POLE: variants seen among roughly 807,000 people sequenced by gnomAD.
POLE encodes the protein DNA polymerase epsilon, catalytic subunit, also known as DNA polymerase epsilon catalytic subunit A.
POLE carries 188 observed loss-of-function variants against 279.2 expected under a neutral mutation model. The ratio of observed to expected loss-of-function variants is 0.67; its 90% CI spans 0.60 to 0.76. The LOEUF is 0.76. POLE is among the 30% of genes least tolerant of loss of function. POLE has a pLI of 0.00. For missense variants in POLE, 2,703 were observed against 3,016.7 expected (o/e 0.90, Z 2.44); for synonymous variants, 1,214 against 1,172.5 (o/e 1.04, Z -0.72).
rs76220954 is a variant in POLE at position 132,625,117 on chromosome 12, G to A, written c.6658-123C>T. 7.9e-4 allele frequency: 587 copies of A among 739,568 alleles called. 1 individual carries two copies. In the African/African-American group the frequency reaches 8.4e-3, roughly 11 times the overall value. The allele number at this position is 739,568 out of a possible 1,614,324, so 45.8% of individuals were successfully genotyped here. The stretch of plus-strand genomic sequence containing the variant: ...TCAGTAAGCCTCGAGCCCCTGCTGT[G>A]TGCAGCCAGCCCTCGGTTATGAGTA... On this transcript the variant is annotated intron_variant, in intron 47 of 48. Transcript: ENST00000320574.
intron 12 of POLE, among the ~76,000 whole-genome samples, chr12:132,674,484 G>A (rs1280202866): frequency 1.3e-5 from 2 of 151,948 alleles, no homozygotes; most frequent in South Asian, 4.2e-4. Flanking sequence ...CTAGCATATC[G>A]GTAGCAGGGT....
chr12:132,625,082 C>G, intron 47 of POLE, 88 bp from the exon 48 acceptor site: 1 of 959,200 alleles, frequency 1.0e-6, no homozygotes, highest in South Asian at 1.4e-5. Flanking sequence ...GAGACACATT[C>G]GTGGGCCCAT....
At position 132,664,248 on chromosome 12, in the gene POLE, C is replaced by A; in HGVS notation, c.2562-100G>T. 1 of 1,247,836 alleles carries A rather than the reference C, an allele frequency of 8.0e-7. No homozygotes were observed. Among genetic ancestry groups the A allele is most frequent in the Non-Finnish European group, 1.2e-6 (1 of 865,776 alleles). 77.3% of individuals were successfully genotyped at this position (1,247,836 alleles called of 1,614,324 possible). A position where few individuals can be genotyped will look rare whatever the true frequency, so the allele number is the denominator to read the frequency against. On this transcript the variant is annotated intron_variant, in intron 22 of 48. Coordinates refer to ENST00000320574, the MANE Select transcript of POLE (RefSeq NM_006231.4). This position sits in a 1 kb window ranked among gnomAD's most constrained non-coding sequence, Gnocchi z 5.3. The stretch of plus-strand genomic sequence containing the variant: ...TCCTTCCTTCCTGCCCAGTGTGTGG[C>A]CTCCAGCCTTCCCTCCTTCCTTCCT...
At chr12:132,638,705 G>A (rs993979420) in intron 40 of POLE, 1 of 185,312 alleles carries the variant, frequency 5.4e-6, no homozygotes, top group Non-Finnish European at 1.1e-5. Flanking sequence ...ATTACCCCAC[G>A]GATCTATCTG....
chr12:132,632,608 G>C, intron 44 of POLE, 56 bp downstream of exon 44: 1 of 1,612,484 alleles, frequency 6.2e-7, no homozygotes. Flanking sequence ...ATGGCACACA[G>C]AGGAGTTAGG....
intron 39 of POLE, 146 bp downstream of exon 39, chr12:132,641,501 G>C: frequency 2.9e-6 from 2 of 692,520 alleles, no homozygotes; most frequent in South Asian, 1.8e-5. Flanking sequence ...ATAGACTATG[G>C]AAAACTCGCC....
chr12:132,662,711 T>C (rs2042706023), intron 23 of POLE, among the ~76,000 whole-genome samples: 1 of 152,044 alleles, frequency 6.6e-6, no homozygotes, highest in African/African-American at 2.4e-5. Flanking sequence ...GACCTTACAG[T>C]ACCAAGAAGT....
intron 43 of POLE, 94 bp from the exon 44 acceptor site, chr12:132,632,889 A>T: frequency 3.0e-6 from 4 of 1,334,730 alleles, no homozygotes; most frequent in Non-Finnish European, 3.1e-6. Flanking sequence ...ATTGCCTCAC[A>T]GATGAGGCTA....
Position 132,643,262 on chromosome 12 carries a change from G to C in POLE, c.4513C>G (p.Pro1505Ala), listed in dbSNP as rs878854873. 36 of 1,613,744 alleles carry C rather than the reference G, an allele frequency of 2.2e-5. No homozygotes were observed. The highest frequency in any genetic ancestry group is 2.9e-5 in the Non-Finnish European group (34 of 1,180,046). ...AHKALFGIFIPSQRRASVFVL... is the reference protein window; with the variant it reads ...AHKALFGIFIASQRRASVFVL... ...AAGACGGATGCCCTGCGCTGTGAGG[G>C]GATGAAGATCCCGAAGAGCGCTTTG... The change falls in exon 35 of 49, where the codon CCC becomes GCC. Residue 1505 changes from proline to alanine, a missense_variant. By Grantham distance (27) the Pro-to-Ala change is conservative. This residue lies in a region of POLE where 1,551 missense variants were observed against 1,686.1 expected (regional missense o/e 0.92). Coordinates refer to ENST00000320574, the MANE Select transcript of POLE (RefSeq NM_006231.4).
In POLE at chr12:132,670,495, C is replaced by T. The variant is rs189835520; in HGVS notation, c.1795-1556G>A. Among the ~76,000 whole-genome samples, 5 of 150,552 alleles carry T rather than the reference C, an allele frequency of 3.3e-5. No individual in the cohort carries two copies. The East Asian group carries it at 1.0e-3, about 30-fold the overall frequency. On this transcript the variant is annotated intron_variant, in intron 16 of 48. Transcript: ENST00000320574. The stretch of plus-strand genomic sequence containing the variant: ...AACTCCTGACCTCAGGTGATCCACC[C>T]GCCTCAGCCTCCCAAAATGCTGGGA...
In POLE at chr12:132,639,034, G is replaced by A; in HGVS notation, c.5552+91C>T. Reference sequence around the variant, plus strand: ...TCAGAAATACACTACTTATCCCAGAGGCACTGGCTGGCCATGTCTCTGGTT... The same window carrying A: ...TCAGAAATACACTACTTATCCCAGAAGCACTGGCTGGCCATGTCTCTGGTT... On this transcript the variant is annotated intron_variant, in intron 40 of 48. Transcript: ENST00000320574. This position sits in a 1 kb window ranked among gnomAD's most constrained non-coding sequence, Gnocchi z 4.7. 1 of 1,056,802 alleles carries A rather than the reference G, an allele frequency of 9.5e-7. No individual in the cohort carries two copies. Among genetic ancestry groups the A allele is most frequent in the Non-Finnish European group, 1.5e-6 (1 of 689,524 alleles). The allele number at this position is 1,056,802 out of a possible 1,614,324, so 65.5% of individuals were successfully genotyped here. A position where few individuals can be genotyped will look rare whatever the true frequency, so the allele number is the denominator to read the frequency against.
chr12:132,683,565 T>C (rs1165988089), intron 1 of POLE, among the ~76,000 whole-genome samples: 2 of 152,228 alleles, frequency 1.3e-5, no homozygotes, highest in Admixed American at 1.3e-4. Context: ...TTTAATCTTT[T>C]AAATAGTTGA....
At chr12:132,636,077 A>G (rs927944029) in intron 41 of POLE, 53 bp from the exon 42 acceptor site, 5 of 1,573,838 alleles carry the variant, frequency 3.2e-6, no homozygotes, top group Non-Finnish European at 4.3e-6. Flanking sequence ...CTTGTTCTCA[A>G]CTTTCCTTTA....
At chr12:132,626,016 G>T in intron 46 of POLE, 101 bp downstream of exon 46, 1 of 1,231,882 alleles carries the variant, frequency 8.1e-7, no homozygotes, top group Non-Finnish European at 1.2e-6. Context: ...AGGGGCAGCA[G>T]GTGTGACCCA....
intron 25 of POLE, chr12:132,659,732 A>G (rs527751029): frequency 1.9e-6 from 1 of 523,976 alleles, no homozygotes; most frequent in Non-Finnish European, 3.4e-6. Flanking sequence ...TCATTCTGTC[A>G]CCCAGGCTGG....
At chr12:132,672,572 G>T in intron 15 of POLE, 55 bp downstream of exon 15, 1 of 1,551,514 alleles carries the variant, frequency 6.4e-7, no homozygotes, top group Non-Finnish European at 8.9e-7. Context: ...GCAGCTTCTG[G>T]GTCCTACCAC....
chr12:132,674,297 C>A (rs1025407846), intron 12 of POLE, among the ~76,000 whole-genome samples: 4 of 152,102 alleles, frequency 2.6e-5, no homozygotes, highest in Admixed American at 6.5e-5. Context: ...GTCTCCACCC[C>A]CCGCAGCCTC....
intron 29 of POLE, 149 bp downstream of exon 29, chr12:132,656,987 T>G: frequency 1.3e-6 from 1 of 774,150 alleles, no homozygotes; most frequent in Non-Finnish European, 2.1e-6. Context: ...AGTTAGAGAG[T>G]AAAGTGCCAA....
chr12:132,647,764 C>T (rs905429146), intron 32 of POLE, among the ~76,000 whole-genome samples: 2 of 152,108 alleles, frequency 1.3e-5, no homozygotes, highest in African/African-American at 4.8e-5. Context: ...CACCACGCAT[C>T]GAAAGGAAGG....
Sources: gnomAD v4.1 joint callset for allele counts (sites outside exome capture counted in the v4.1 genomes callset) on GRCh38, gnomAD v4.1.1 for gene constraint, gnomAD v4.1.1 regional missense constraint, Gnocchi (gnomAD v3.1) non-coding constraint, MANE v1.5 for transcripts, NCBI Gene and HGNC (gene_info 2026-07-23, HGNC 2026-07-21) for gene names.